The following TNRC6B variants were observed in gnomAD, a reference collection of about 807,000 sequenced individuals.
TNRC6B encodes the protein trinucleotide repeat containing adaptor 6B.
A neutral mutation model predicts 203.6 loss-of-function variants in TNRC6B; 52 were observed. That is an observed-to-expected ratio of 0.26 (90% CI 0.20 to 0.32). The LOEUF (loss-of-function observed/expected upper bound fraction) is 0.32, where lower values mean the gene tolerates loss of function less well. Ranked by LOEUF, TNRC6B falls within the 10% of genes least tolerant of loss-of-function variation. TNRC6B has a pLI of 1.00. For synonymous variants in TNRC6B, 838 were observed against 845.7 expected (o/e 0.99, Z 0.16); for missense variants, 1,923 against 2,286.2 (o/e 0.84, Z 3.24).
In TNRC6B at chr22:40,125,843, C is replaced by A. The variant is rs753937261; in HGVS notation, c.26C>A (p.Ser9Ter). ...ATGCAAACCAATGAGGGAGAAGTAT[C>A]GGAAGAAAGCAGTTCCAAGGTCAGT... Residue 9 changes from serine to a stop codon, truncating the protein, a stop_gained, in exon 3 of 24, where the codon TCG (serine) becomes TAG (stop). Coordinates refer to the TNRC6B transcript ENST00000301923. LOFTEE classifies it high-confidence loss of function. 2.5e-6 allele frequency: 4 copies of A among 1,611,978 alleles called. No individual in the cohort carries two copies. Among genetic ancestry groups the A allele is most frequent in the Non-Finnish European group, 1.7e-6 (2 of 1,179,490 alleles).
At chr22:40,293,100 C>A (rs1476048062) in intron 12 of TNRC6B, among the ~76,000 whole-genome samples, 2 of 151,722 alleles carry the variant, frequency 1.3e-5, no homozygotes, top group African/African-American at 4.8e-5. Flanking sequence ...CCATAATTTA[C>A]CTATTCTACT....
At chr22:40,267,723 A>C (rs778071728) in intron 5 of TNRC6B, among the ~76,000 whole-genome samples, 18 of 152,196 alleles carry the variant, frequency 1.2e-4, no homozygotes, top group Non-Finnish European at 1.9e-4. Flanking sequence ...TTTAAAAATC[A>C]GACGGGTGTG....
rs185845518 is a variant in TNRC6B at position 40,258,928 on chromosome 22, A to G, written c.116-2904A>G. On this transcript the variant is annotated intron_variant, in intron 3 of 22. Transcript: ENST00000454349. ...TCTTGTTGTTTTTCTGGATTGAGTT[A>G]AAAGTATGTAGTAGACCTGGGTAAC... Among the ~76,000 whole-genome samples, 314 of 152,282 alleles carry G rather than the reference A, an allele frequency of 2.1e-3. 3 individuals are homozygous for G. Among genetic ancestry groups the G allele is most frequent in the Non-Finnish European group, 3.4e-3 (232 of 68,012 alleles).
intron 1 of TNRC6B, among the ~76,000 whole-genome samples, chr22:40,196,875 T>C (rs1265216515): frequency 2.0e-5 from 3 of 152,130 alleles, no homozygotes; most frequent in Non-Finnish European, 2.9e-5. Flanking sequence ...GTGCCTATTA[T>C]GCTGCACACA....
At chr22:40,296,456 C>A (rs914492078) in intron 12 of TNRC6B, among the ~76,000 whole-genome samples, 1 of 151,064 alleles carries the variant, frequency 6.6e-6, no homozygotes, top group South Asian at 2.1e-4. Context: ...CTCAGTCTCC[C>A]GAGTAGCTGG....
chr22:40,132,443 G>A (rs527578519), intron 3 of TNRC6B, among the ~76,000 whole-genome samples: 7 of 149,288 alleles, frequency 4.7e-5, no homozygotes, highest in Admixed American at 2.0e-4. Flanking sequence ...ATCACACCAC[G>A]GCACTCCAGC....
chr22:40,091,519 T>C (rs1488186745), intron 1 of TNRC6B, among the ~76,000 whole-genome samples: 1 of 151,988 alleles, frequency 6.6e-6, no homozygotes. Flanking sequence ...TACGAGACAG[T>C]TGGAAGTTTG....
chr22:40,182,550 C>T (rs2069147839), intron 1 of TNRC6B, among the ~76,000 whole-genome samples: 1 of 152,192 alleles, frequency 6.6e-6, no homozygotes, highest in South Asian at 2.1e-4. Flanking sequence ...TTTCTTCTTT[C>T]CGTCATATAT....
chr22:40,086,834 A>T (rs894650077), intron 1 of TNRC6B, among the ~76,000 whole-genome samples: 1 of 152,238 alleles, frequency 6.6e-6, no homozygotes, highest in South Asian at 2.1e-4. Context: ...TCTCTCTGCC[A>T]TACTTTGTTC....
intron 1 of TNRC6B, among the ~76,000 whole-genome samples, chr22:40,067,448 GA>G (rs1182455318): frequency 6.6e-6 from 1 of 152,122 alleles, no homozygotes; most frequent in Non-Finnish European, 1.5e-5. Context: ...GGATACATGA[GA>G]GAGGATTTAG....
chr22:40,106,068 A>G (rs1402288843), intron 1 of TNRC6B, among the ~76,000 whole-genome samples: 2 of 151,936 alleles, frequency 1.3e-5, no homozygotes, highest in African/African-American at 4.8e-5. Flanking sequence ...CATTTGGATA[A>G]TTTTGGTTTT....
chr22:40,237,969 A>T (rs1316253740), intron 1 of TNRC6B, among the ~76,000 whole-genome samples: 1 of 151,944 alleles, frequency 6.6e-6, no homozygotes, highest in Non-Finnish European at 1.5e-5. Context: ...ATTGTGTCAC[A>T]GGTCAGTGCG....
At position 40,209,449 on chromosome 22, in the gene TNRC6B, C is replaced by T. The variant is rs143118636; in HGVS notation, c.5+31309C>T. Among the ~76,000 whole-genome samples, 28 of 152,270 alleles carry T rather than the reference C, an allele frequency of 1.8e-4. 1 individual carries two copies. The highest frequency in any genetic ancestry group is 5.9e-4 in the Admixed American group (9 of 15,296). ...AATCAGACAAACAAACCTAGATTCA[C>T]GCCTCATCTCTGCACTTACTATGAG... is the stretch of plus-strand genomic sequence containing the variant. On this transcript the variant is annotated intron_variant, in intron 1 of 22. Transcript: ENST00000454349.
intron 3 of TNRC6B, among the ~76,000 whole-genome samples, chr22:40,259,823 A>T (rs945147324): frequency 6.6e-6 from 1 of 152,246 alleles, no homozygotes; most frequent in East Asian, 1.9e-4. Context: ...CAGTCAAAGC[A>T]GTACTACCCC....
At chr22:40,192,426 A>G (rs889982739) in intron 1 of TNRC6B, among the ~76,000 whole-genome samples, 1 of 152,094 alleles carries the variant, frequency 6.6e-6, no homozygotes, top group African/African-American at 2.4e-5. Flanking sequence ...GAGACAGCCT[A>G]GCCAACGTGG....
At chr22:40,247,313 T>A (rs1251160744) in intron 2 of TNRC6B, among the ~76,000 whole-genome samples, 1 of 152,144 alleles carries the variant, frequency 6.6e-6, no homozygotes, top group Non-Finnish European at 1.5e-5. Context: ...AGAAAGAAAC[T>A]GTGATAAGGT....
Position 40,323,309 on chromosome 22 carries a change from C to A in TNRC6B, c.*68C>A. 4.8e-6 allele frequency: 7 copies of A among 1,452,388 alleles called. No individual in the cohort carries two copies. Among genetic ancestry groups the A allele is most frequent in the Non-Finnish European group, 5.5e-6 (6 of 1,099,814 alleles). 90.0% of individuals were successfully genotyped at this position (1,452,388 alleles called of 1,614,324 possible). A position where few individuals can be genotyped will look rare whatever the true frequency, so the allele number is the denominator to read the frequency against. ...AGCAGCAGCACTAACTTGACCTTTT[C>A]GTTTTTTTTTTCAACTTGCAATAAA... On this transcript the variant is annotated 3_prime_UTR_variant, in exon 23 of 23. Coordinates refer to ENST00000454349, the MANE Select transcript of TNRC6B (RefSeq NM_001162501.2).
chr22:40,119,270 A>G (rs1290156922), intron 2 of TNRC6B, among the ~76,000 whole-genome samples: 4 of 152,190 alleles, frequency 2.6e-5, no homozygotes, highest in Admixed American at 2.6e-4. Context: ...AGTTGAAGTG[A>G]TGTGCAAAAA....
intron 1 of TNRC6B, among the ~76,000 whole-genome samples, chr22:40,207,163 C>A (rs2069489361): frequency 6.6e-6 from 1 of 151,918 alleles, no homozygotes; most frequent in Admixed American, 6.6e-5. Flanking sequence ...AAATAAATAC[C>A]AAATGGATTC....
Sources: allele counts gnomAD v4.1 joint callset (sites outside exome capture counted in the v4.1 genomes callset), GRCh38; gene constraint gnomAD v4.1.1; transcripts MANE v1.5; gene names NCBI Gene and HGNC (gene_info 2026-07-23, HGNC 2026-07-21).